The following ETAA1 variants were observed in gnomAD, a reference collection of about 807,000 sequenced individuals.
ETAA1 encodes ETAA1 activator of ATR kinase.
In ETAA1, 49 loss-of-function variants were observed where a neutral mutation model predicts 76.8. The ratio of observed to expected loss-of-function variants is 0.64; its 90% CI spans 0.51 to 0.81. The LOEUF (loss-of-function observed/expected upper bound fraction) is 0.81, where lower values mean the gene tolerates loss of function less well. Among genes scored for constraint, ETAA1 ranks in the 30% least tolerant of loss-of-function variants. ETAA1 has a pLI of 0.00. For missense variants in ETAA1, 1,099 were observed against 1,074.0 expected, an observed-to-expected ratio of 1.02 and a Z score of -0.32; for synonymous variants, 373 against 372.2, an observed-to-expected ratio of 1.00 and a Z score of -0.03.
intron 5 of ETAA1, among the ~76,000 whole-genome samples, chr2:67,405,749 T>A (rs769889490): frequency 1.3e-5 from 2 of 152,064 alleles, no homozygotes; most frequent in African/African-American, 4.8e-5. Flanking sequence ...TAAATAATAT[T>A]TAGAAATTTA....
rs1261268374 is a variant in ETAA1, at chr2:67,411,107, TTTTG to T, written c.*1073_*1076del. ...ACTCATCTTTTCTTCTCTATTACTG[TTTTG>T]TTTTTTTCTTTTTTTGCCATTTTGC... On this transcript the variant is annotated 3_prime_UTR_variant, in exon 6 of 6. Transcript: ENST00000272342. 6.6e-6 allele frequency: 1 copy of T among 151,828 alleles called. No individual in the cohort carries two copies. Among genetic ancestry groups the T allele is most frequent in the Non-Finnish European group, 1.5e-5 (1 of 67,972 alleles). The allele number at this position is 151,828 out of a possible 1,614,324, so 9.4% of individuals were successfully genotyped here. A position where few individuals can be genotyped will look rare whatever the true frequency, so the allele number is the denominator to read the frequency against.
At chr2:67,401,686 T>A (rs1359788932) in intron 3 of ETAA1, 1 of 151,940 alleles carries the variant, frequency 6.6e-6, no homozygotes, top group Non-Finnish European at 1.5e-5. Context: ...CTCTGAAAAT[T>A]GAATGAATTT....
At position 67,397,566 on chromosome 2, in the gene ETAA1, G is replaced by A. The variant is rs761614625; in HGVS notation, c.118G>A (p.Ala40Thr). ...GCCAGGGAGGAGGCGGCTGAGATCG[G>A]CCCGCGGTTCGTGGCCCTGCGGGGC... ...VEPGRRRLRS[A>T]RGSWPCGARE... Residue 40 changes from alanine to threonine, a missense_variant, in exon 1 of 6, where the codon GCC becomes ACC. By Grantham distance (58) the Ala-to-Thr change is moderately conservative (BLOSUM62 0). Transcript: ENST00000272342. The A allele has an allele frequency of 6.4e-7, 1 of 1,567,572 alleles. No individual in the cohort carries two copies. Among genetic ancestry groups the A allele is most frequent in the African/African-American group, 1.4e-5 (1 of 73,862 alleles).
chr2:67,404,763 A>G lies in ETAA1; in HGVS notation c.2081A>G (p.His694Arg). ...GGAAGTAATTTGGTACAATCAAAGCATTTGAATCCAGGCAGCATTTCAGTG... is the reference window on the plus strand; with the variant it reads ...GGAAGTAATTTGGTACAATCAAAGCGTTTGAATCCAGGCAGCATTTCAGTG... ...KQGSNLVQSK[H>R]LNPGSISVQT... is the part of the protein sequence containing the mutation. The change falls in exon 5 of 6, where the codon CAT becomes CGT. Residue 694 changes from histidine to arginine, a missense_variant. His to Arg is a conservative substitution (Grantham distance 29). Coordinates refer to ENST00000272342, the MANE Select transcript of ETAA1 (RefSeq NM_019002.4). 6.2e-7 allele frequency: 1 copy of G among 1,613,490 alleles called. No individual in the cohort carries two copies. The highest frequency in any genetic ancestry group is 1.1e-5 in the South Asian group (1 of 91,068).
Position 67,410,128 on chromosome 2 carries a change from T to TCAA in ETAA1, c.*90_*91insCAA. On this transcript the variant is annotated 3_prime_UTR_variant, in exon 6 of 6. Transcript: ENST00000272342. Reference sequence around the variant, plus strand: ...TTTTTCTTGATTTCTCTGTGAGAAATGTAATGCTGACTTTTATAAAGCCTG... The same window carrying TCAA: ...TTTTTCTTGATTTCTCTGTGAGAAATCAAGTAATGCTGACTTTTATAAAGCCTG... 4.2e-6 allele frequency: 5 copies of TCAA among 1,199,650 alleles called. No individual in the cohort carries two copies. The highest frequency in any genetic ancestry group is 5.9e-6 in the Non-Finnish European group (5 of 843,502). 74.3% of individuals were successfully genotyped at this position (1,199,650 alleles called of 1,614,324 possible).
chr2:67,407,145 A>G (rs1304506573), intron 5 of ETAA1, among the ~76,000 whole-genome samples: 1 of 151,806 alleles, frequency 6.6e-6, no homozygotes. Flanking sequence ...ATAATTCTCT[A>G]CACCCAAGGG....
intron 3 of ETAA1, chr2:67,401,600 CAT>C (rs1676058323): frequency 6.6e-6 from 1 of 151,680 alleles, no homozygotes; most frequent in African/African-American, 2.4e-5. Context: ...TATGTAATAA[CAT>C]GTATAAATAG....
chr2:67,404,798 T>A lies in ETAA1; in HGVS notation c.2116T>A (p.Leu706Met). ...AGGCAGCATTTCAGTGCAGACATCT[T>A]TGACAAATAGCTCACAAATAGATAA... ...NPGSISVQTSLTNSSQIDKPM... is the reference protein window; with the variant it reads ...NPGSISVQTSMTNSSQIDKPM... The change falls in exon 5 of 6, where the codon TTG (leucine) becomes ATG (methionine). Residue 706 changes from leucine to methionine, a missense_variant. Physicochemically the swap from Leu to Met is conservative, Grantham distance 15. This residue lies in a region of ETAA1 where 302 missense variants were observed against 278.1 expected (regional missense o/e 1.09). Coordinates refer to ENST00000272342, the MANE Select transcript of ETAA1 (RefSeq NM_019002.4). The A allele has an allele frequency of 6.2e-7, 1 of 1,613,448 alleles. No homozygotes were observed. Among genetic ancestry groups the A allele is most frequent in the Non-Finnish European group, 8.5e-7 (1 of 1,179,586 alleles).
chr2:67,410,219 T>G lies in ETAA1; in HGVS notation c.*181T>G. On this transcript the variant is annotated 3_prime_UTR_variant, in exon 6 of 6. Transcript: ENST00000272342. ...AATGAAACATTTCCTTGGACATGTA[T>G]TTGAAAGTCATTAAATACAAAAGTT... 1 of 594,784 alleles carries G rather than the reference T, an allele frequency of 1.7e-6. No homozygotes were observed. Among genetic ancestry groups the G allele is most frequent in the Non-Finnish European group, 2.8e-6 (1 of 353,992 alleles). 36.8% of individuals were successfully genotyped at this position (594,784 alleles called of 1,614,324 possible). A position where few individuals can be genotyped will look rare whatever the true frequency, so the allele number is the denominator to read the frequency against.
intron 3 of ETAA1, chr2:67,401,529 C>T (rs889564064): frequency 6.6e-6 from 1 of 151,676 alleles, no homozygotes; most frequent in African/African-American, 2.4e-5. Flanking sequence ...ATTTAGATAC[C>T]TTATACAGCA....
Position 67,397,495 on chromosome 2 carries a change from C to G in ETAA1, c.47C>G (p.Thr16Arg). Residue 16 changes from threonine to arginine, a missense_variant, in exon 1 of 6, where the codon ACG becomes AGG. Coordinates refer to ENST00000272342, the MANE Select transcript of ETAA1 (RefSeq NM_019002.4). ...KHDDSPSPKK[T>R]PHKTVAAEEC... is the part of the protein sequence containing the mutation. ...GATGACAGCCCTAGCCCGAAGAAAA[C>G]GCCGCACAAAACAGTGGCGGCGGAG... 1 of 1,603,194 alleles carries G rather than the reference C, an allele frequency of 6.2e-7. No homozygotes were observed. Among genetic ancestry groups the G allele is most frequent in the Non-Finnish European group, 8.5e-7 (1 of 1,174,918 alleles).
chr2:67,399,156 A>G lies in ETAA1; in HGVS notation c.224-13A>G. ...AAATGCAACAATTGTTATTTTACTCATATTTTATATAGAAAGGTATGAAAC... is the reference window on the plus strand; with the variant it reads ...AAATGCAACAATTGTTATTTTACTCGTATTTTATATAGAAAGGTATGAAAC... On this transcript the variant is annotated splice_polypyrimidine_tract_variant and intron_variant, in intron 1 of 5. Coordinates refer to ENST00000272342, the MANE Select transcript of ETAA1 (RefSeq NM_019002.4). 1 of 1,601,678 alleles carries G rather than the reference A, an allele frequency of 6.2e-7. No individual in the cohort carries two copies. Among genetic ancestry groups the G allele is most frequent in the African/African-American group, 1.3e-5 (1 of 74,286 alleles).
In ETAA1 at chr2:67,404,289, G is replaced by C. The variant is rs942895316; in HGVS notation, c.1607G>C (p.Cys536Ser). The part of the protein sequence containing the change: ...TRYSNEQKNK[C>S]ILNQSIKAPV... ...TATTCTAATGAACAGAAAAATAAGT[G>C]CATTTTAAATCAGTCTATTAAAGCC... The change falls in exon 5 of 6, where the codon TGC becomes TCC. Residue 536 changes from cysteine to serine, a missense_variant. This residue lies in a region of ETAA1 where 761 missense variants were observed against 731.9 expected (regional missense o/e 1.04). Coordinates refer to ENST00000272342, the MANE Select transcript of ETAA1 (RefSeq NM_019002.4). 1 of 1,611,886 alleles carries C rather than the reference G, an allele frequency of 6.2e-7. No homozygotes were observed. The highest frequency in any genetic ancestry group is 1.3e-5 in the African/African-American group (1 of 74,748).
At chr2:67,405,727 GA>G (rs1676199949) in intron 5 of ETAA1, among the ~76,000 whole-genome samples, 1 of 152,046 alleles carries the variant, frequency 6.6e-6, no homozygotes, top group African/African-American at 2.4e-5. Context: ...AGCAGATGAT[GA>G]AGCAGTGAGG....
chr2:67,407,004 G>A (rs1000813346), intron 5 of ETAA1, among the ~76,000 whole-genome samples: 7 of 151,816 alleles, frequency 4.6e-5, no homozygotes, highest in African/African-American at 7.3e-5. Flanking sequence ...ATAAATTTCC[G>A]CATGCTTGTA....
intron 1 of ETAA1, among the ~76,000 whole-genome samples, chr2:67,397,874 T>C (rs1675927902): frequency 6.6e-6 from 1 of 152,194 alleles, no homozygotes; most frequent in South Asian, 2.1e-4. Flanking sequence ...CCGTTAGGTT[T>C]GACCATCCAT....
rs753020244 is a variant in ETAA1, at chr2:67,404,340, C to T, written c.1658C>T (p.Ser553Phe). Reference protein sequence around the residue: ...KAPVNTDLFGSANLGSKTSVS... With the variant: ...KAPVNTDLFGFANLGSKTSVS... ...CCTGTTAATACTGATCTTTTTGGCT[C>T]TGCAAATCTAGGCAGTAAAACCAGT... Residue 553 changes from serine (S) to phenylalanine (F), a missense_variant, in exon 5 of 6, where the codon TCT (serine) becomes TTT (phenylalanine). This residue lies in a region of ETAA1 where 761 missense variants were observed against 731.9 expected (regional missense o/e 1.04). Transcript: ENST00000272342. The T allele has an allele frequency of 3.7e-6, 6 of 1,612,930 alleles. No individual in the cohort carries two copies. The highest frequency in any genetic ancestry group is 2.7e-5 in the African/African-American group (2 of 74,884).
In ETAA1 at chr2:67,404,143, A is replaced by T; in HGVS notation, c.1461A>T (p.Lys487Asn). ...TGAAATTTGAGAACTCTTCCAATAA[A>T]ATTGTTATTCAAGACGAAATTCAAA... ...NKMKFENSSN[K>N]IVIQDEIQNC... Residue 487 changes from lysine (K) to asparagine (N), a missense_variant, in exon 5 of 6, where the codon AAA becomes AAT. This residue lies in a region of ETAA1 where 761 missense variants were observed against 731.9 expected (regional missense o/e 1.04). Coordinates refer to ENST00000272342, the MANE Select transcript of ETAA1 (RefSeq NM_019002.4). 6.3e-7 allele frequency: 1 copy of T among 1,591,266 alleles called. No homozygotes were observed. The highest frequency in any genetic ancestry group is 8.5e-7 in the Non-Finnish European group (1 of 1,172,074).
chr2:67,397,341 A>C lies in ETAA1; in HGVS notation c.-108A>C. The C allele has an allele frequency of 1.1e-5, 14 of 1,243,186 alleles. No individual in the cohort carries two copies. The South Asian group carries it at 1.6e-4, about 14-fold the overall frequency. 77.0% of individuals were successfully genotyped at this position (1,243,186 alleles called of 1,614,324 possible). ...CCTCTTGCGCGCGCCCCACCGACCAAAATGGCGGCTGCCGTTGGTGCGGGG... is the reference window on the plus strand; with the variant it reads ...CCTCTTGCGCGCGCCCCACCGACCACAATGGCGGCTGCCGTTGGTGCGGGG... On this transcript the variant is annotated 5_prime_UTR_variant, in exon 1 of 6. Transcript: ENST00000272342.
Sources: gnomAD v4.1 joint callset for allele counts (sites outside exome capture counted in the v4.1 genomes callset) on GRCh38, gnomAD v4.1.1 for gene constraint, gnomAD v4.1.1 regional missense constraint, MANE v1.5 for transcripts, NCBI Gene and HGNC (gene_info 2026-07-23, HGNC 2026-07-21) for gene names.